The following FCRL1 variants were observed in gnomAD, a reference collection of about 807,000 sequenced individuals.
FCRL1 encodes Fc receptor-like protein 1.
FCRL1 carries 34 observed loss-of-function variants against 49.2 expected under a neutral mutation model. That is an observed-to-expected ratio of 0.69 (90% CI 0.53 to 0.92). The LOEUF (loss-of-function observed/expected upper bound fraction) is 0.92. FCRL1 is among the 40% of genes least tolerant of loss of function. The probability of loss-of-function intolerance (pLI) is 0.00; values close to 1 mark genes in which losing one functional copy is unlikely to be tolerated. For synonymous variants in FCRL1, 218 were observed against 201.6 expected, an observed-to-expected ratio of 1.08 and a Z score of -0.69; for missense variants, 524 against 524.1, an observed-to-expected ratio of 1.00 and a Z score of 0.00.
chr1:157,802,318 A>AG, intron 4 of FCRL1, 59 bp downstream of exon 4: 1 of 1,589,638 alleles, frequency 6.3e-7, no homozygotes, highest in African/African-American at 1.3e-5. Context: ...TGTGTGCCCC[A>AG]GGGAAATGTG....
intron 10 of FCRL1, 151 bp from the exon 11 acceptor site, chr1:157,796,321 C>G (rs1651467400): frequency 1.5e-6 from 1 of 661,786 alleles, no homozygotes; most frequent in Non-Finnish European, 2.7e-6. Flanking sequence ...CCAAGGCCAG[C>G]ATTTTTAGAG....
intron 1 of FCRL1, among the ~76,000 whole-genome samples, chr1:157,809,241 A>G (rs1005316835): frequency 6.6e-6 from 1 of 152,142 alleles, no homozygotes; most frequent in African/African-American, 2.4e-5. Flanking sequence ...AACTTTGAGG[A>G]TGTCCAACAT....
At chr1:157,807,405 C>T (rs978770552) in intron 1 of FCRL1, among the ~76,000 whole-genome samples, 2 of 152,160 alleles carry the variant, frequency 1.3e-5, no homozygotes, top group Non-Finnish European at 2.9e-5. Flanking sequence ...AACAACACAT[C>T]GTTCTTTTTT....
intron 1 of FCRL1, among the ~76,000 whole-genome samples, chr1:157,816,494 T>TG (rs1655038799): frequency 6.6e-6 from 1 of 151,864 alleles, no homozygotes; most frequent in Non-Finnish European, 1.5e-5. Flanking sequence ...TCATACTGAA[T>TG]GGGGAAAAGT....
chr1:157,819,872 C>T (rs528782622), intron 1 of FCRL1, 135 bp downstream of exon 1: 18 of 983,954 alleles, frequency 1.8e-5, no homozygotes, highest in Admixed American at 6.3e-5. Context: ...CTGAGCCCTC[C>T]GTGGAAGTGG....
intron 1 of FCRL1, among the ~76,000 whole-genome samples, chr1:157,818,783 T>C (rs1655404872): frequency 6.6e-6 from 1 of 152,170 alleles, no homozygotes; most frequent in African/African-American, 2.4e-5. Flanking sequence ...AACCATTGGA[T>C]TGCATAACTT....
At chr1:157,804,428 T>C (rs1243862631) in intron 2 of FCRL1, among the ~76,000 whole-genome samples, 1 of 152,214 alleles carries the variant, frequency 6.6e-6, no homozygotes, top group African/African-American at 2.4e-5. Flanking sequence ...GCCAGTACAA[T>C]AATACTGAAG....
chr1:157,800,229 T>C, intron 6 of FCRL1, 144 bp from the exon 7 acceptor site: 1 of 583,224 alleles, frequency 1.7e-6, no homozygotes, highest in African/African-American at 1.9e-5. Flanking sequence ...GCAGACATCC[T>C]GGCAATCATT....
At chr1:157,804,766 T>C (rs1200112789) in intron 2 of FCRL1, among the ~76,000 whole-genome samples, 2 of 152,180 alleles carry the variant, frequency 1.3e-5, no homozygotes, top group Non-Finnish European at 2.9e-5. Flanking sequence ...TACAAACCTC[T>C]GTAGAAACCA....
chr1:157,797,264 G>T (rs1651658651), intron 9 of FCRL1, 132 bp from the exon 10 acceptor site: 2 of 995,656 alleles, frequency 2.0e-6, no homozygotes, highest in Non-Finnish European at 3.1e-6. Context: ...TTTCTGTCTT[G>T]CTTTTCTGTT....
In FCRL1 at chr1:157,801,597, C is replaced by T; in HGVS notation, c.887-20G>A. ...TAGGCACTAGAGGGAGAGACCTGTG[C>T]ATGATCTGCTCAGAGGAAGGGCTTG... On this transcript the variant is annotated intron_variant, in intron 5 of 10. Coordinates refer to ENST00000368176, the MANE Select transcript of FCRL1 (RefSeq NM_052938.5). 6.5e-7 allele frequency: 1 copy of T among 1,542,008 alleles called. No homozygotes were observed. Among genetic ancestry groups the T allele is most frequent in the Non-Finnish European group, 9.0e-7 (1 of 1,116,064 alleles).
chr1:157,819,217 A>G (rs536445381), intron 1 of FCRL1, among the ~76,000 whole-genome samples: 1 of 152,254 alleles, frequency 6.6e-6, no homozygotes, highest in African/African-American at 2.4e-5. Context: ...ATGTAGGATA[A>G]TTGCCTGGCA....
chr1:157,806,372 T>G (rs993045810), intron 2 of FCRL1, among the ~76,000 whole-genome samples: 1 of 152,204 alleles, frequency 6.6e-6, no homozygotes, highest in African/African-American at 2.4e-5. Context: ...CTTTTAACTC[T>G]GTGGCTAGTA....
intron 7 of FCRL1, 116 bp downstream of exon 7, chr1:157,799,942 T>C (rs1652160250): frequency 4.2e-6 from 3 of 717,010 alleles, no homozygotes; most frequent in Non-Finnish European, 4.2e-6. Flanking sequence ...AACTCAGGAG[T>C]GAGTTCTGGG....
intron 10 of FCRL1, among the ~76,000 whole-genome samples, chr1:157,796,532 T>C (rs12063295): frequency 0.037 from 5,682 of 152,272 alleles, 336 homozygotes; most frequent in African/African-American, 0.13. Context: ...TGAATTTTGT[T>C]CTGAGATATC....
chr1:157,797,365 T>C (rs1301427305), intron 9 of FCRL1, among the ~76,000 whole-genome samples: 1 of 152,088 alleles, frequency 6.6e-6, no homozygotes, highest in Non-Finnish European at 1.5e-5. Context: ...GGAGGGGCCT[T>C]TATACCTCTC....
At chr1:157,806,853 T>C (rs1360411150) in intron 2 of FCRL1, 1 of 409,974 alleles carries the variant, frequency 2.4e-6, no homozygotes, top group African/African-American at 2.1e-5. Flanking sequence ...TAAGACTGTG[T>C]TCTTGAGAAG....
intron 9 of FCRL1, among the ~76,000 whole-genome samples, chr1:157,797,486 T>C (rs910250658): frequency 6.6e-6 from 1 of 152,292 alleles, no homozygotes; most frequent in Admixed American, 6.5e-5. Flanking sequence ...GCAGAAGCCA[T>C]CACCTCTGAT....
At chr1:157,799,958 T>A (rs1156555572) in intron 7 of FCRL1, 100 bp downstream of exon 7, 5 of 1,075,394 alleles carry the variant, frequency 4.6e-6, no homozygotes, top group Admixed American at 2.5e-5. Flanking sequence ...CTGGGTATAA[T>A]AAAGCCGGAA....
Sources: allele counts gnomAD v4.1 joint callset (sites outside exome capture counted in the v4.1 genomes callset), GRCh38; gene constraint gnomAD v4.1.1; transcripts MANE v1.5; gene names NCBI Gene and HGNC (gene_info 2026-07-23, HGNC 2026-07-21).